The following AMIGO1 variants were observed in gnomAD, a reference collection of about 807,000 sequenced individuals.
AMIGO1 encodes amphoterin-induced protein 1.
For missense variants in AMIGO1, 361 were observed against 612.3 expected, an observed-to-expected ratio of 0.59 and a Z score of 4.33; for synonymous variants, 249 against 266.3, an observed-to-expected ratio of 0.93 and a Z score of 0.63.
Position 109,507,843 on chromosome 1 carries a change from T to C in AMIGO1, c.1070A>G (p.Lys357Arg). The C allele has an allele frequency of 1.2e-6, 2 of 1,614,146 alleles. No homozygotes were observed. Among genetic ancestry groups the C allele is most frequent in the Non-Finnish European group, 1.7e-6 (2 of 1,180,034 alleles). Residue 357 changes from lysine to arginine, a missense_variant, in exon 2 of 2, where the codon AAA (lysine) becomes AGA (arginine). Transcript: ENST00000369864. The surrounding 1 kb of genome is among the most constrained non-coding windows in gnomAD (Gnocchi z 4.7). ...TCCGTGCAAGGTGAAATTGTGCACT[T>C]TCAATTCCACAGACAGTGTCTCATT... ...TFNETLSVEL[K>R]VHNFTLHGHH...
rs753834809 is a variant in AMIGO1 at position 109,508,358 on chromosome 1, G to T, written c.555C>A (p.Pro185=). The T allele has an allele frequency of 4.3e-6, 7 of 1,614,152 alleles. No individual in the cohort carries two copies. The South Asian group carries it at 4.4e-5, about 10-fold the overall frequency. ...AAGAGAGATCCAGGAGCGTTAGTTT[G>T]GGTAGCTTGGCTCCTTCCTTGACCA... ...LELVKEGAKL[P]KLTLLDLSSN... Residue 185 remains proline (P), a synonymous_variant, in exon 2 of 2, where the codon CCC becomes CCA. Coordinates refer to ENST00000369864, the MANE Select transcript of AMIGO1 (RefSeq NM_020703.4). The surrounding 1 kb of genome is among the most constrained non-coding windows in gnomAD (Gnocchi z 7.8).
Position 109,507,270 on chromosome 1 carries a change from C to T in AMIGO1, c.*161G>A. 2 of 996,172 alleles carry T rather than the reference C, an allele frequency of 2.0e-6. No individual in the cohort carries two copies. The highest frequency in any genetic ancestry group is 1.7e-5 in the South Asian group (1 of 58,374). The allele number at this position is 996,172 out of a possible 1,614,324, so 61.7% of individuals were successfully genotyped here. A position where few individuals can be genotyped will look rare whatever the true frequency, so the allele number is the denominator to read the frequency against. Reference sequence around the variant, plus strand: ...CCATTTGAAAATCGTGGCAGCCACGCCCTGTTTGGGGTCTTGCTCTCTGTT... The same window carrying T: ...CCATTTGAAAATCGTGGCAGCCACGTCCTGTTTGGGGTCTTGCTCTCTGTT... On this transcript the variant is annotated 3_prime_UTR_variant, in exon 2 of 2. Coordinates refer to ENST00000369864, the MANE Select transcript of AMIGO1 (RefSeq NM_020703.4). This position sits in a 1 kb window ranked among gnomAD's most constrained non-coding sequence, Gnocchi z 4.7.
chr1:109,508,575 C>T lies in AMIGO1; in HGVS notation c.338G>A (p.Arg113His), dbSNP rs1658083517. The T allele has an allele frequency of 6.2e-7, 1 of 1,613,918 alleles. No individual in the cohort carries two copies. Among genetic ancestry groups the T allele is most frequent in the Non-Finnish European group, 8.5e-7 (1 of 1,180,042 alleles). Residue 113 changes from arginine (R) to histidine (H), a missense_variant, in exon 2 of 2, where the codon CGC (arginine) becomes CAC (histidine). Physicochemically the swap from Arg to His is conservative, Grantham distance 29. Transcript: ENST00000369864. This position sits in a 1 kb window ranked among gnomAD's most constrained non-coding sequence, Gnocchi z 7.8. ...SEAFSPVPNLRYLDLSSNQLR... is the reference protein window; with the variant it reads ...SEAFSPVPNLHYLDLSSNQLR... ...CTGGTTGGAGGAGAGGTCCAGGTAGCGCAGGTTGGGTACCGGGGAAAAGGC... is the reference window on the plus strand; with the variant it reads ...CTGGTTGGAGGAGAGGTCCAGGTAGTGCAGGTTGGGTACCGGGGAAAAGGC...
rs1044841852 is a variant in AMIGO1 at position 109,504,283 on chromosome 1, G to C, written c.*3148C>G. On this transcript the variant is annotated 3_prime_UTR_variant, in exon 2 of 2. Coordinates refer to ENST00000369864, the MANE Select transcript of AMIGO1 (RefSeq NM_020703.4). ...AGGTGTACACAAGTGGGAGGAATGG[G>C]GTCTTGGACACGGGAGGCCTGCTTG... 2.0e-5 allele frequency: 3 copies of C among 152,186 alleles called. No individual in the cohort carries two copies. The highest frequency in any genetic ancestry group is 4.8e-5 in the African/African-American group (2 of 41,436). 9.4% of individuals were successfully genotyped at this position (152,186 alleles called of 1,614,324 possible).
rs1157544419 is a variant in AMIGO1, at chr1:109,508,237, C to T, written c.676G>A (p.Asp226Asn). The part of the protein sequence containing the change: ...LYLHNNPLNC[D>N]CELYQLFSHW... The stretch of plus-strand genomic sequence containing the variant: ...GAAAACAGCTGGTAGAGCTCACAGT[C>T]GCAGTTCAGGGGGTTGTTATGTAGG... Residue 226 changes from aspartate to asparagine, a missense_variant, in exon 2 of 2, where the codon GAC (aspartate) becomes AAC (asparagine). Transcript: ENST00000369864. This position sits in a 1 kb window ranked among gnomAD's most constrained non-coding sequence, Gnocchi z 7.8. 3.1e-6 allele frequency: 5 copies of T among 1,614,080 alleles called. No homozygotes were observed. Among genetic ancestry groups the T allele is most frequent in the East Asian group, 2.2e-5 (1 of 44,880 alleles).
chr1:109,507,905 A>C lies in AMIGO1; in HGVS notation c.1008T>G (p.Gly336=), dbSNP rs908036887. The change falls in exon 2 of 2, where the codon GGT becomes GGG. Residue 336 remains glycine (G), a synonymous_variant. Coordinates refer to ENST00000369864, the MANE Select transcript of AMIGO1 (RefSeq NM_020703.4). The surrounding 1 kb of genome is among the most constrained non-coding windows in gnomAD (Gnocchi z 4.7). ...CCATGGCATAGCAGGTATACACACCACCGTCCTCGACCTGCACCTGCTGGA... is the reference window on the plus strand; with the variant it reads ...CCATGGCATAGCAGGTATACACACCCCCGTCCTCGACCTGCACCTGCTGGA... ...LLFQQVQVED[G]GVYTCYAMGE... The C allele has an allele frequency of 6.2e-7, 1 of 1,613,958 alleles. No individual in the cohort carries two copies. Among genetic ancestry groups the C allele is most frequent in the African/African-American group, 1.3e-5 (1 of 74,868 alleles).
chr1:109,505,544 G>A lies in AMIGO1; in HGVS notation c.*1887C>T, dbSNP rs1367624065. 2 of 152,150 alleles carry A rather than the reference G, an allele frequency of 1.3e-5. No homozygotes were observed. Among genetic ancestry groups the A allele is most frequent in the Non-Finnish European group, 2.9e-5 (2 of 68,030 alleles). The allele number at this position is 152,150 out of a possible 1,614,324, so 9.4% of individuals were successfully genotyped here. A position where few individuals can be genotyped will look rare whatever the true frequency, so the allele number is the denominator to read the frequency against. ...CATACCTATAAGCATGCATACCTAT[G>A]AGCATGCAGGTACTTGAGGGAAATG... On this transcript the variant is annotated 3_prime_UTR_variant, in exon 2 of 2. Transcript: ENST00000369864.
Position 109,507,465 on chromosome 1 carries a change from C to T in AMIGO1, c.1448G>A (p.Ser483Asn). The T allele has an allele frequency of 1.2e-6, 2 of 1,611,910 alleles. No individual in the cohort carries two copies. Among genetic ancestry groups the T allele is most frequent in the Non-Finnish European group, 1.7e-6 (2 of 1,178,598 alleles). The change falls in exon 2 of 2, where the codon AGC becomes AAC. Residue 483 changes from serine (S) to asparagine (N), a missense_variant. Ser to Asn is a conservative substitution (Grantham distance 46, BLOSUM62 1). Transcript: ENST00000369864. The surrounding 1 kb of genome is among the most constrained non-coding windows in gnomAD (Gnocchi z 4.7). ...AATGGGCGTATCAGAGAAGACCGAG[C>T]TGACTGATTCTGGATCCGACATCCT... Reference protein sequence around the residue: ...QRRMSDPESVSSVFSDTPIVV With the variant: ...QRRMSDPESVNSVFSDTPIVV
chr1:109,508,919 A>T lies in AMIGO1; in HGVS notation c.-7T>A. On this transcript the variant is annotated 5_prime_UTR_variant, in exon 2 of 2. Transcript: ENST00000369864. This position sits in a 1 kb window ranked among gnomAD's most constrained non-coding sequence, Gnocchi z 7.8. ...GGTCACGGTGGGGGTGCATAGTGTC[A>T]CTGGAGTGGGCGAGGAAGGCCACAA... The T allele has an allele frequency of 6.5e-7, 1 of 1,536,842 alleles. No individual in the cohort carries two copies.
chr1:109,508,466 C>A lies in AMIGO1; in HGVS notation c.447G>T (p.Val149=). ...CCATGTCATCGAAGGCGCACCGGTCCACCGCCATGATGTGGTTATTGTAGA... is the reference window on the plus strand; with the variant it reads ...CCATGTCATCGAAGGCGCACCGGTCAACCGCCATGATGTGGTTATTGTAGA... The part of the protein sequence containing the change: ...LLLYNNHIMA[V]DRCAFDDMAQ... Residue 149 remains valine (V), a synonymous_variant, in exon 2 of 2, where the codon GTG becomes GTT. Transcript: ENST00000369864. This position sits in a 1 kb window ranked among gnomAD's most constrained non-coding sequence, Gnocchi z 7.8. 3 of 1,614,120 alleles carry A rather than the reference C, an allele frequency of 1.9e-6. No homozygotes were observed. Among genetic ancestry groups the A allele is most frequent in the Non-Finnish European group, 2.5e-6 (3 of 1,180,018 alleles).
At position 109,508,169 on chromosome 1, in the gene AMIGO1, T is replaced by C; in HGVS notation, c.744A>G (p.Gln248=). The part of the protein sequence containing the change: ...YRQLSSVMDF[Q]EDLYCMNSKK... The stretch of plus-strand genomic sequence containing the variant: ...TGGAGTTCATGCAGTACAGATCCTC[T>C]TGAAAGTCCATCACGGAGCTCAGCT... The change falls in exon 2 of 2, where the codon CAA becomes CAG. Residue 248 remains glutamine, a synonymous_variant. Coordinates refer to ENST00000369864, the MANE Select transcript of AMIGO1 (RefSeq NM_020703.4). The surrounding 1 kb of genome is among the most constrained non-coding windows in gnomAD (Gnocchi z 7.8). 6.2e-7 allele frequency: 1 copy of C among 1,614,134 alleles called. No homozygotes were observed. Among genetic ancestry groups the C allele is most frequent in the Non-Finnish European group, 8.5e-7 (1 of 1,180,044 alleles).
In AMIGO1 at chr1:109,507,711, C is replaced by T. The variant is rs766539441; in HGVS notation, c.1202G>A (p.Arg401Gln). ...LYLTPCRCWC[R>Q]GVEKPSSHQG... The stretch of plus-strand genomic sequence containing the variant: ...ATGGCTGGAAGGCTTCTCTACACCC[C>T]GGCACCAGCAGCGGCAAGGGGTGAG... Residue 401 changes from arginine to glutamine, a missense_variant, in exon 2 of 2, where the codon CGG (arginine) becomes CAG (glutamine). Transcript: ENST00000369864. This position sits in a 1 kb window ranked among gnomAD's most constrained non-coding sequence, Gnocchi z 4.7. 17 of 1,614,118 alleles carry T rather than the reference C, an allele frequency of 1.1e-5. No individual in the cohort carries two copies. The South Asian group carries it at 1.2e-4, about 11-fold the overall frequency.
At position 109,507,523 on chromosome 1, in the gene AMIGO1, G is replaced by A. The variant is rs1366974305; in HGVS notation, c.1390C>T (p.Pro464Ser). Residue 464 changes from proline to serine, a missense_variant, in exon 2 of 2, where the codon CCA (proline) becomes TCA (serine). Physicochemically the swap from Pro to Ser is moderately conservative, Grantham distance 74. Transcript: ENST00000369864. The surrounding 1 kb of genome is among the most constrained non-coding windows in gnomAD (Gnocchi z 4.7). ...CCCTTGCCTGTGGCCTCAGGCACTG[G>A]CAGGGTGTTGCCTGGCTTGAGCTTG... ...NGKLKPGNTL[P>S]VPEATGKGQR... 2 of 1,614,150 alleles carry A rather than the reference G, an allele frequency of 1.2e-6. No individual in the cohort carries two copies. The highest frequency in any genetic ancestry group is 1.1e-5 in the South Asian group (1 of 91,074).
chr1:109,509,130 G>T, intron 1 of AMIGO1, 131 bp from the exon 2 acceptor site: 1 of 596,768 alleles, frequency 1.7e-6, no homozygotes, highest in Non-Finnish European at 2.9e-6. Context: ...TAGTTTCCAG[G>T]CACTGTGCAG....
rs1571122323 is a variant in AMIGO1 at position 109,506,792 on chromosome 1, G to C, written c.*639C>G. On this transcript the variant is annotated 3_prime_UTR_variant, in exon 2 of 2. Coordinates refer to ENST00000369864, the MANE Select transcript of AMIGO1 (RefSeq NM_020703.4). ...TTGTAACTAAAAGGCAGCAGGCCAG[G>C]CTCCTGCAAAGATCCATCCACCCAG... 1 of 152,956 alleles carries C rather than the reference G, an allele frequency of 6.5e-6. No individual in the cohort carries two copies. The highest frequency in any genetic ancestry group is 2.4e-5 in the African/African-American group (1 of 41,452). The allele number at this position is 152,956 out of a possible 1,614,324, so 9.5% of individuals were successfully genotyped here. A position where few individuals can be genotyped will look rare whatever the true frequency, so the allele number is the denominator to read the frequency against.
intron 1 of AMIGO1, 67 bp from the exon 2 acceptor site, chr1:109,509,066 T>C: frequency 1.2e-6 from 1 of 848,630 alleles, no homozygotes; most frequent in Non-Finnish European, 1.8e-6. Context: ...CTCTCCCACT[T>C]CCCCTCCCAC....
In AMIGO1 at chr1:109,507,558, C is replaced by T. The variant is rs150743133; in HGVS notation, c.1355G>A (p.Gly452Asp). ...GCCTGGCTTGAGCTTGCCGTTTTGA[C>T]CCTGCCCAGGTCCAGCAGGTTCCAG... The part of the protein sequence containing the change: ...AFLEPAGPGQ[G>D]QNGKLKPGNT... The change falls in exon 2 of 2, where the codon GGT becomes GAT. Residue 452 changes from glycine (G) to aspartate (D), a missense_variant. Transcript: ENST00000369864. The surrounding 1 kb of genome is among the most constrained non-coding windows in gnomAD (Gnocchi z 4.7). 5.6e-3 allele frequency: 9,064 copies of T among 1,614,056 alleles called. 33 individuals carry two copies. Among genetic ancestry groups the T allele is most frequent in the Non-Finnish European group, 6.7e-3 (7,911 of 1,180,018 alleles).
rs771214786 is a variant in AMIGO1, at chr1:109,504,319, A to G, written c.*3112T>C. On this transcript the variant is annotated 3_prime_UTR_variant, in exon 2 of 2. Transcript: ENST00000369864. The stretch of plus-strand genomic sequence containing the variant: ...CGGGAGGCCTGCTTGCTTTGTCAGC[A>G]GAGCTACGAGGAAGTACAGAGGTAA... 1 of 152,234 alleles carries G rather than the reference A, an allele frequency of 6.6e-6. No individual in the cohort carries two copies. Among genetic ancestry groups the G allele is most frequent in the Non-Finnish European group, 1.5e-5 (1 of 68,054 alleles). 9.4% of individuals were successfully genotyped at this position (152,234 alleles called of 1,614,324 possible).
chr1:109,506,110 T>A lies in AMIGO1; in HGVS notation c.*1321A>T, dbSNP rs1658017030. Reference sequence around the variant, plus strand: ...CTACTGATTATCTCTGCTTCAGGATTGCCTGGAATCTGTGGAGAGGGCAGA... The same window carrying A: ...CTACTGATTATCTCTGCTTCAGGATAGCCTGGAATCTGTGGAGAGGGCAGA... On this transcript the variant is annotated 3_prime_UTR_variant, in exon 2 of 2. Coordinates refer to ENST00000369864, the MANE Select transcript of AMIGO1 (RefSeq NM_020703.4). The A allele has an allele frequency of 6.6e-6, 1 of 152,210 alleles. No individual in the cohort carries two copies. The highest frequency in any genetic ancestry group is 2.1e-4 in the South Asian group (1 of 4,834). 9.4% of individuals were successfully genotyped at this position (152,210 alleles called of 1,614,324 possible).
Sources: gnomAD v4.1 joint callset for allele counts on GRCh38, gnomAD v4.1.1 for gene constraint, Gnocchi (gnomAD v3.1) non-coding constraint, MANE v1.5 for transcripts, NCBI Gene and HGNC (gene_info 2026-07-23, HGNC 2026-07-21) for gene names.